ITGA8: variants seen among roughly 807,000 people sequenced by gnomAD.
ITGA8 encodes the protein integrin subunit alpha 8.
ITGA8 carries 91 observed loss-of-function variants against 142.3 expected under a neutral mutation model. The ratio of observed to expected loss-of-function variants is 0.64; its 90% CI spans 0.54 to 0.76. The LOEUF (loss-of-function observed/expected upper bound fraction) is 0.76. Among genes scored for constraint, ITGA8 ranks in the 30% least tolerant of loss-of-function variants. ITGA8 has a pLI of 0.00. For missense variants in ITGA8, 1,406 were observed against 1,327.7 expected (o/e 1.06, Z -0.92); for synonymous variants, 505 against 485.2 (o/e 1.04, Z -0.54).
chr10:15,649,631 A>AAT (rs1834050586), intron 11 of ITGA8, among the ~76,000 whole-genome samples: 1 of 151,846 alleles, frequency 6.6e-6, no homozygotes, highest in African/African-American at 2.4e-5. Flanking sequence ...AAAAAAAAAA[A>AAT]AATTGGGCAA....
Position 15,586,471 on chromosome 10 carries a change from A to G in ITGA8, c.2372+113T>C, listed in dbSNP as rs1253155575. The G allele has an allele frequency of 1.1e-4, 67 of 631,166 alleles. No homozygotes were observed. In the East Asian group the frequency reaches 1.8e-3, roughly 17 times the overall value. The allele number at this position is 631,166 out of a possible 1,614,324, so 39.1% of individuals were successfully genotyped here. A position where few individuals can be genotyped will look rare whatever the true frequency, so the allele number is the denominator to read the frequency against. On this transcript the variant is annotated intron_variant, in intron 23 of 29. Transcript: ENST00000378076. ...TAGAAAAGAGTGAAAATTAATATCC[A>G]AAATGAACTGTGATCTCTAATGCAT... is the stretch of plus-strand genomic sequence containing the variant.
chr10:15,624,363 T>G (rs1409510154), intron 13 of ITGA8, among the ~76,000 whole-genome samples: 2 of 152,182 alleles, frequency 1.3e-5, no homozygotes, highest in Non-Finnish European at 2.9e-5. Context: ...CTGGTGGTCT[T>G]TAAGTTTCTC....
chr10:15,534,844 T>C (rs1468707195), intron 27 of ITGA8, among the ~76,000 whole-genome samples: 1 of 152,218 alleles, frequency 6.6e-6, no homozygotes, highest in Non-Finnish European at 1.5e-5. Context: ...CGGCGCCTCC[T>C]CTGCCTGGGC....
intron 25 of ITGA8, among the ~76,000 whole-genome samples, chr10:15,568,307 T>C (rs1052124087): frequency 1.3e-5 from 2 of 152,212 alleles, no homozygotes; most frequent in African/African-American, 4.8e-5. Flanking sequence ...ATTTAGTTGC[T>C]AATGCTCTGT....
In ITGA8 at chr10:15,683,075, GT is replaced by G. The variant is rs769677250; in HGVS notation, c.568+928del. The stretch of plus-strand genomic sequence containing the variant: ...AGCTCAAGCTAATTTGGGATTTAGT[GT>G]TTTTTCTTTAAGTCAATTTCCTGAA... On this transcript the variant is annotated intron_variant, in intron 4 of 29. Transcript: ENST00000378076. 2.3e-3 allele frequency among the ~76,000 whole-genome samples: 346 copies of G among 152,198 alleles called. 1 individual carries two copies. Among genetic ancestry groups the G allele is most frequent in the Non-Finnish European group, 3.5e-3 (241 of 68,006 alleles).
At chr10:15,656,616 G>T (rs757724851) in intron 10 of ITGA8, among the ~76,000 whole-genome samples, 17 of 152,018 alleles carry the variant, frequency 1.1e-4, no homozygotes, top group Non-Finnish European at 1.6e-4. Flanking sequence ...CACCCACTCG[G>T]CCTCCCAAAG....
At chr10:15,562,380 C>T (rs7916402) in intron 25 of ITGA8, among the ~76,000 whole-genome samples, 58,966 of 151,908 alleles carry the variant, frequency 0.39, 12,000 homozygotes, top group African/African-American at 0.5. Flanking sequence ...GGTAGAGAAG[C>T]CAGGCTGTGG....
chr10:15,631,718 GAA>G (rs112308190), intron 13 of ITGA8, among the ~76,000 whole-genome samples: 31,520 of 116,678 alleles, frequency 0.27, 3,549 homozygotes, highest in Admixed American at 0.38. Context: ...AGTATATTAA[GAA>G]AAAAAAAAAA....
At chr10:15,668,117 G>A (rs1834432949) in intron 8 of ITGA8, among the ~76,000 whole-genome samples, 1 of 152,042 alleles carries the variant, frequency 6.6e-6, no homozygotes, top group African/African-American at 2.4e-5. Context: ...TTGACAGGGG[G>A]GTGTTAAAGT....
intron 2 of ITGA8, among the ~76,000 whole-genome samples, chr10:15,712,658 A>G (rs1219566823): frequency 6.6e-6 from 1 of 152,178 alleles, no homozygotes; most frequent in South Asian, 2.1e-4. Context: ...CTGTCATGGT[A>G]TCCATCAGGG....
intron 27 of ITGA8, among the ~76,000 whole-genome samples, chr10:15,540,485 G>T (rs528988086): frequency 6.6e-6 from 1 of 152,290 alleles, no homozygotes; most frequent in Non-Finnish European, 1.5e-5. Context: ...TCTCAACCTG[G>T]AGGGTTTCAG....
chr10:15,550,406 T>C (rs1287519200), intron 26 of ITGA8, among the ~76,000 whole-genome samples: 1 of 152,206 alleles, frequency 6.6e-6, no homozygotes, highest in Non-Finnish European at 1.5e-5. Flanking sequence ...TGACCTGTGC[T>C]TCACGGCTGA....
intron 13 of ITGA8, among the ~76,000 whole-genome samples, chr10:15,628,324 G>GTTTTT: frequency 1.6e-5 from 1 of 61,564 alleles, no homozygotes; most frequent in African/African-American, 6.8e-5. Flanking sequence ...ATTTATTTTG[G>GTTTTT]TTTTTTTTTT....
At chr10:15,576,784 G>A (rs184165745) in intron 23 of ITGA8, among the ~76,000 whole-genome samples, 1 of 152,164 alleles carries the variant, frequency 6.6e-6, no homozygotes, top group Non-Finnish European at 1.5e-5. Context: ...TGGCTGCATT[G>A]TTTTCTAGGA....
In ITGA8 at chr10:15,605,324, A is replaced by C. The variant is rs565754702; in HGVS notation, c.1970+400T>G. On this transcript the variant is annotated intron_variant, in intron 19 of 29. Coordinates refer to ENST00000378076, the MANE Select transcript of ITGA8 (RefSeq NM_003638.3). Reference sequence around the variant, plus strand: ...AAGTTAAAATTAATTTTGTTTTGACAGTTTTAAGGATGGCTTTGAGTCATG... The same window carrying C: ...AAGTTAAAATTAATTTTGTTTTGACCGTTTTAAGGATGGCTTTGAGTCATG... Among the ~76,000 whole-genome samples, 5 of 152,302 alleles carry C rather than the reference A, an allele frequency of 3.3e-5. No homozygotes were observed. In the East Asian group the frequency reaches 9.6e-4, roughly 29 times the overall value.
intron 6 of ITGA8, among the ~76,000 whole-genome samples, chr10:15,674,943 A>AG (rs1834598929): frequency 1.3e-5 from 2 of 151,624 alleles, no homozygotes; most frequent in East Asian, 3.9e-4. Context: ...CGTCTCAAAA[A>AG]AAAAAAAATC....
intron 19 of ITGA8, among the ~76,000 whole-genome samples, chr10:15,604,968 C>T (rs1198064491): frequency 1.3e-5 from 2 of 152,078 alleles, no homozygotes; most frequent in Non-Finnish European, 2.9e-5. Flanking sequence ...TTGGAAATGC[C>T]TACTCCACTT....
intron 8 of ITGA8, among the ~76,000 whole-genome samples, chr10:15,670,527 A>T (rs560812698): frequency 6.6e-6 from 1 of 152,322 alleles, no homozygotes; most frequent in Admixed American, 6.5e-5. Context: ...CACATGGTCT[A>T]GTCTTTGTAA....
chr10:15,677,728 C>T, intron 5 of ITGA8, 91 bp from the exon 6 acceptor site: 1 of 1,279,340 alleles, frequency 7.8e-7, no homozygotes, highest in African/African-American at 1.5e-5. Flanking sequence ...ATAAGCATTG[C>T]TCTAACAATT....
Sources: gnomAD v4.1 joint callset for allele counts (sites outside exome capture counted in the v4.1 genomes callset) on GRCh38, gnomAD v4.1.1 for gene constraint, MANE v1.5 for transcripts, NCBI Gene and HGNC (gene_info 2026-07-23, HGNC 2026-07-21) for gene names.